LCT: variants seen among roughly 807,000 people sequenced by gnomAD.
LCT encodes the protein lactase/phlorizin hydrolase.
A neutral mutation model predicts 173.0 loss-of-function variants in LCT; 90 were observed. The ratio of observed to expected loss-of-function variants is 0.52; its 90% CI spans 0.44 to 0.62. LCT has a LOEUF of 0.62. Ranked by LOEUF, LCT falls within the 20% of genes least tolerant of loss-of-function variation. The pLI is 0.00. For missense variants in LCT, 1,864 were observed against 2,431.4 expected (o/e 0.77, Z 4.91); for synonymous variants, 853 against 957.6 (o/e 0.89, Z 2.02).
At chr2:135,833,850 TC>T (rs2077961470) in intron 1 of LCT, among the ~76,000 whole-genome samples, 1 of 152,128 alleles carries the variant, frequency 6.6e-6, no homozygotes, top group Non-Finnish European at 1.5e-5. Context: ...GAAATTCTAC[TC>T]CCATTAAAGA....
intron 7 of LCT, among the ~76,000 whole-genome samples, chr2:135,811,272 C>A (rs536787392): frequency 2.6e-5 from 4 of 152,074 alleles, no homozygotes; most frequent in African/African-American, 9.6e-5. Context: ...TGAATGGTGA[C>A]CCCCGAAAGA....
chr2:135,824,024 C>A (rs2105549500), intron 3 of LCT, 21 bp from the exon 4 acceptor site: 1 of 1,511,002 alleles, frequency 6.6e-7, no homozygotes, highest in Non-Finnish European at 9.2e-7. Flanking sequence ...GAAGGACCAG[C>A]AAGTGAACTG....
At position 135,804,021 on chromosome 2, in the gene LCT, C is replaced by T. The variant is rs2077648285; in HGVS notation, c.4572G>A (p.Gln1524=). The T allele has an allele frequency of 6.2e-7, 1 of 1,613,142 alleles. No homozygotes were observed. Among genetic ancestry groups the T allele is most frequent in the Admixed American group, 1.7e-5 (1 of 59,962 alleles). ...RFKEYADVLF[Q]RLGDKVKFWI... ...AAAACTTCACCTTGTCTCCCAGCCT[C>T]TGGAAGAGCACATCTGCATACTCCT... is the stretch of plus-strand genomic sequence containing the variant. The change falls in exon 11 of 17, where the codon CAG becomes CAA. Residue 1524 remains glutamine (Q), a synonymous_variant. Coordinates refer to ENST00000264162, the MANE Select transcript of LCT (RefSeq NM_002299.4).
At chr2:135,823,748 G>C (rs536347952) in intron 4 of LCT, among the ~76,000 whole-genome samples, 153 bp downstream of exon 4, 2 of 152,288 alleles carry the variant, frequency 1.3e-5, no homozygotes, top group East Asian at 3.9e-4. Context: ...CAGTAGGAAG[G>C]CATAGTACAC....
In LCT at chr2:135,818,317, C is replaced by A. The variant is rs11884924; in HGVS notation, c.987-256G>T. Among the ~76,000 whole-genome samples the A allele has an allele frequency of 0.05, 7,560 of 152,144 alleles. 343 individuals carry two copies. The highest frequency in any genetic ancestry group is 0.12 in the African/African-American group (4,777 of 41,494). ...TGCTACTGTTCTCTGTATTAGATTG[C>A]CCTTGAATATTGTCTTCAGTGTTAG... is the stretch of plus-strand genomic sequence containing the variant. On this transcript the variant is annotated intron_variant, in intron 5 of 16. Coordinates refer to ENST00000264162, the MANE Select transcript of LCT (RefSeq NM_002299.4).
At position 135,836,913 on chromosome 2, in the gene LCT, T is replaced by C; in HGVS notation, c.257A>G (p.His86Arg). Residue 86 changes from histidine (H) to arginine (R), a missense_variant, in exon 1 of 17, where the codon CAT (histidine) becomes CGT (arginine). His to Arg is a conservative substitution (Grantham distance 29). Coordinates refer to ENST00000264162, the MANE Select transcript of LCT (RefSeq NM_002299.4). ...FSSLHASQIT[H>R]YKVFLSWAQL... ...TGCCCATGACAGAAATACCTTATAA[T>C]GGGTGATCTGACTGGCATGGAGACT... 1 of 1,614,104 alleles carries C rather than the reference T, an allele frequency of 6.2e-7. No homozygotes were observed. Among genetic ancestry groups the C allele is most frequent in the Non-Finnish European group, 8.5e-7 (1 of 1,180,014 alleles).
intron 13 of LCT, among the ~76,000 whole-genome samples, chr2:135,796,056 G>A (rs889752806): frequency 6.6e-6 from 1 of 152,162 alleles, no homozygotes; most frequent in Non-Finnish European, 1.5e-5. Context: ...TGGGAACTTT[G>A]GCTTCTTAAC....
chr2:135,800,712 G>A lies in LCT; in HGVS notation c.4761C>T (p.Arg1587=), dbSNP rs573401319. 3.8e-5 allele frequency: 62 copies of A among 1,613,990 alleles called. No individual in the cohort carries two copies. Among genetic ancestry groups the A allele is most frequent in the South Asian group, 9.9e-5 (9 of 91,078 alleles). Residue 1587 remains arginine (R), a synonymous_variant, in exon 12 of 17, where the codon CGC becomes CGT. Coordinates refer to ENST00000264162, the MANE Select transcript of LCT (RefSeq NM_002299.4). The part of the protein sequence containing the change: ...EAWHLYNDVY[R]ASQGGVISIT... The stretch of plus-strand genomic sequence containing the variant: ...TGGAAATCACGCCACCTTGACTGGC[G>A]CGGTACACATCGTTGTACAGATGCC...
chr2:135,808,762 C>A lies in LCT; in HGVS notation c.3585G>T (p.Arg1195Ser), dbSNP rs1442207346. 3 of 1,613,930 alleles carry A rather than the reference C, an allele frequency of 1.9e-6. No homozygotes were observed. The highest frequency in any genetic ancestry group is 1.7e-5 in the Admixed American group (1 of 59,996). The change falls in exon 8 of 17, where the codon AGG becomes AGT. Residue 1195 changes from arginine to serine, a missense_variant. Coordinates refer to ENST00000264162, the MANE Select transcript of LCT (RefSeq NM_002299.4). ...RLPSFTEEEK[R>S]FIRATADVFC... ...AGACGTCGGCCGTCGCCCTGATGAA[C>A]CTCTTCTCTTCCTCAGTGAAGCTTG...
Position 135,798,203 on chromosome 2 carries a change from C to A in LCT, c.4867-65G>T, listed in dbSNP as rs1026384388. 3.4e-6 allele frequency: 3 copies of A among 876,764 alleles called. No homozygotes were observed. In the East Asian group the frequency reaches 7.2e-5, roughly 21 times the overall value. 54.3% of individuals were successfully genotyped at this position (876,764 alleles called of 1,614,324 possible). A position where few individuals can be genotyped will look rare whatever the true frequency, so the allele number is the denominator to read the frequency against. On this transcript the variant is annotated intron_variant, in intron 12 of 16. Coordinates refer to ENST00000264162, the MANE Select transcript of LCT (RefSeq NM_002299.4). ...TGGGCACAGCAAGAGACAGCATCGT[C>A]CCCGCTCAGAAGTGCCTGGCCTCAC... is the stretch of plus-strand genomic sequence containing the variant.
chr2:135,831,398 G>T (rs10928550), intron 2 of LCT, among the ~76,000 whole-genome samples: 33 of 152,166 alleles, frequency 2.2e-4, no homozygotes, highest in African/African-American at 5.8e-4. Context: ...CAGAGAGAGA[G>T]GCCCACACGT....
intron 14 of LCT, among the ~76,000 whole-genome samples, chr2:135,791,128 C>T (rs184542880): frequency 6.6e-6 from 1 of 152,358 alleles, no homozygotes; most frequent in East Asian, 1.9e-4. Flanking sequence ...ATTTCTCTGC[C>T]TGTGCAGAGA....
rs1196299281 is a variant in LCT at position 135,812,501 on chromosome 2, T to C, written c.2163A>G (p.Ser721=). ...QHVNHVWPQT[S]SSWIRVVPWG... ...AGGGCACCACACGAATCCAAGAGGATGAGGTCTGGGGCCACACATGGTTCA... is the reference window on the plus strand; with the variant it reads ...AGGGCACCACACGAATCCAAGAGGACGAGGTCTGGGGCCACACATGGTTCA... The change falls in exon 7 of 17, where the codon TCA becomes TCG. Residue 721 remains serine (S), a synonymous_variant. Transcript: ENST00000264162. The C allele has an allele frequency of 6.2e-7, 1 of 1,614,184 alleles. No individual in the cohort carries two copies. The highest frequency in any genetic ancestry group is 1.3e-5 in the African/African-American group (1 of 75,046).
intron 6 of LCT, among the ~76,000 whole-genome samples, chr2:135,814,536 G>A (rs1369524821): frequency 1.5e-5 from 2 of 134,700 alleles, no homozygotes; most frequent in African/African-American, 5.7e-5. Flanking sequence ...TTTTTTTTTT[G>A]AGATGGAGTC....
At chr2:135,796,097 A>G (rs891983696) in intron 13 of LCT, among the ~76,000 whole-genome samples, 4 of 152,148 alleles carry the variant, frequency 2.6e-5, no homozygotes, top group African/African-American at 9.7e-5. Flanking sequence ...AGGCACTCTG[A>G]GTGAAAAGCC....
At chr2:135,804,173 T>C (rs2077650120) in intron 10 of LCT, 45 bp from the exon 11 acceptor site, 1 of 1,500,592 alleles carries the variant, frequency 6.7e-7, no homozygotes, top group Non-Finnish European at 9.3e-7. Flanking sequence ...ATGCTTTCCA[T>C]GGGAAGCCCT....
At position 135,800,713 on chromosome 2, in the gene LCT, C is replaced by A; in HGVS notation, c.4760G>T (p.Arg1587Leu). ...GGAAATCACGCCACCTTGACTGGCG[C>A]GGTACACATCGTTGTACAGATGCCA... The part of the protein sequence containing the change: ...EAWHLYNDVY[R>L]ASQGGVISIT... Residue 1587 changes from arginine to leucine, a missense_variant, in exon 12 of 17, where the codon CGC (arginine) becomes CTC (leucine). By Grantham distance (102) the Arg-to-Leu change is moderately radical. This residue lies in a region of LCT where 514 missense variants were observed against 750.1 expected (regional missense o/e 0.69). Transcript: ENST00000264162. 1 of 1,613,976 alleles carries A rather than the reference C, an allele frequency of 6.2e-7. No homozygotes were observed. The highest frequency in any genetic ancestry group is 8.5e-7 in the Non-Finnish European group (1 of 1,179,976).
At position 135,809,491 on chromosome 2, in the gene LCT, G is replaced by A. The variant is rs1445901469; in HGVS notation, c.2856C>T (p.Ala952=). The change falls in exon 8 of 17, where the codon GCC becomes GCT. Residue 952 remains alanine (A), a synonymous_variant. Coordinates refer to ENST00000264162, the MANE Select transcript of LCT (RefSeq NM_002299.4). This position sits in a 1 kb window ranked among gnomAD's most constrained non-coding sequence, Gnocchi z 5.5. ...CATCCAGCTGGTGATAGCTGTCACA[G>A]GCGATGTCTCCAGTGGCATTGTCTT... The part of the protein sequence containing the change: ...NVKDNATGDI[A]CDSYHQLDAD... 1.2e-6 allele frequency: 2 copies of A among 1,614,260 alleles called. No homozygotes were observed. The highest frequency in any genetic ancestry group is 1.7e-6 in the Non-Finnish European group (2 of 1,180,050).
intron 6 of LCT, among the ~76,000 whole-genome samples, chr2:135,817,028 C>T (rs1195377148): frequency 6.7e-6 from 1 of 148,470 alleles, no homozygotes; most frequent in Non-Finnish European, 1.5e-5. Context: ...AACACTATGC[C>T]CAGCTAATTT....
Sources: allele counts gnomAD v4.1 joint callset (sites outside exome capture counted in the v4.1 genomes callset), GRCh38; gene constraint gnomAD v4.1.1; regional missense constraint gnomAD v4.1.1; non-coding constraint Gnocchi (gnomAD v3.1); transcripts MANE v1.5; gene names NCBI Gene and HGNC (gene_info 2026-07-23, HGNC 2026-07-21).